XIST: variants seen among roughly 807,000 people sequenced by gnomAD.
The protein encoded by XIST is X inactive specific transcript (non-protein coding).
chrX:73,851,347 T>C (rs373915374), exon 1 of XIST: 2 of 557,814 alleles, frequency 3.6e-6, no homozygotes, highest in African/African-American at 4.5e-5. Flanking sequence ...AGGCCCGCCA[T>C]GTTTTACACT....
chrX:73,820,709 T>C (rs899640192), exon 6 of XIST: 1 of 548,301 alleles, frequency 1.8e-6, no homozygotes, highest in Admixed American at 2.3e-5. Flanking sequence ...CCAGTTTGTT[T>C]CAATTGTGAC....
At chrX:73,841,602 G>C in exon 1 of XIST, 1 of 558,231 alleles carries the variant, frequency 1.8e-6, no homozygotes, top group Non-Finnish European at 3.2e-6. Flanking sequence ...CTAGTGGCTG[G>C]GATATTATTC....
At chrX:73,849,218 G>A (rs1185382137) in exon 1 of XIST, 4 of 557,417 alleles carry the variant, frequency 7.2e-6, no homozygotes, top group South Asian at 2.2e-5. Context: ...AGAACAGCAG[G>A]ATTCTCCAGA....
chrX:73,825,403 A>G, exon 6 of XIST: 1 of 557,028 alleles, frequency 1.8e-6, no homozygotes, highest in Non-Finnish European at 3.2e-6. Context: ...TTATCACAGT[A>G]GAATACAAGT....
intron 4 of XIST, chrX:73,830,995 G>A: frequency 3.9e-6 from 2 of 509,953 alleles, no homozygotes; most frequent in Non-Finnish European, 3.5e-6. Flanking sequence ...GAAACACTAA[G>A]TGCAATGTAT....
chrX:73,820,883 TAGA>T (rs1569511325), exon 6 of XIST: 1 of 559,302 alleles, frequency 1.8e-6, no homozygotes, highest in Non-Finnish European at 3.2e-6. Context: ...ATCTTTGAGG[TAGA>T]AGGACAATGA....
chrX:73,824,558 AAC>A lies in XIST; in HGVS notation n.15341_15342del, dbSNP rs1922206435. ...AGGTATTTAAACCCTTGGTTTGTAT[AAC>A]TACTTATAGAACCCTTCTCACTGTG... On this transcript the variant is annotated non_coding_transcript_exon_variant, in exon 6 of 6. Coordinates refer to ENST00000429829, the Ensembl canonical transcript of XIST. 5.4e-6 allele frequency: 3 copies of A among 552,235 alleles called. No individual in the cohort carries two copies. The African/African-American group carries it at 6.7e-5, about 12-fold the overall frequency. The allele number at this position is 552,235 out of a possible 1,213,427, so 45.5% of individuals were successfully genotyped here.
intron 1 of XIST, chrX:73,841,227 T>A (rs558046778): frequency 5.5e-6 from 2 of 366,683 alleles, no homozygotes; most frequent in South Asian, 1.6e-4. Context: ...CATGTATGTA[T>A]GTATCTATTT....
chrX:73,837,855 GA>G (rs1019521849), intron 1 of XIST, among the ~76,000 whole-genome samples: 3 of 111,514 alleles, frequency 2.7e-5, no homozygotes, highest in African/African-American at 9.7e-5. Flanking sequence ...ATTGTTTGCA[GA>G]TCTGATCTAA....
rs781430512 is a variant in XIST, at chrX:73,848,309, G to A, written n.4415C>T. 8 of 555,717 alleles carry A rather than the reference G, an allele frequency of 1.4e-5. No individual in the cohort carries two copies. The East Asian group carries it at 1.6e-4, about 11-fold the overall frequency. 45.8% of individuals were successfully genotyped at this position (555,717 alleles called of 1,213,427 possible). ...TTTTGCACATCAATAATTTCTGGAGGAGGGGCATTAGGTAACCAGCACCCT... is the reference window on the plus strand; with the variant it reads ...TTTTGCACATCAATAATTTCTGGAGAAGGGGCATTAGGTAACCAGCACCCT... On this transcript the variant is annotated non_coding_transcript_exon_variant, in exon 1 of 6. Transcript: ENST00000429829.
At chrX:73,842,052 C>T (rs762465526) in exon 1 of XIST, 4 of 548,779 alleles carry the variant, frequency 7.3e-6, no homozygotes, top group South Asian at 4.6e-5. Context: ...AGACCCACCA[C>T]CCTCAGTTAA....
exon 1 of XIST, chrX:73,841,548 C>G: frequency 1.8e-6 from 1 of 558,502 alleles, no homozygotes; most frequent in Non-Finnish European, 3.2e-6. Flanking sequence ...TTTGCTTGAG[C>G]AGTTCCATAT....
exon 1 of XIST, chrX:73,848,939 CATGA>C (rs1181941701): frequency 3.6e-6 from 2 of 554,682 alleles, no homozygotes; most frequent in Non-Finnish European, 6.5e-6. Context: ...TACGCAGAAC[CATGA>C]ATAATTACTA....
chrX:73,847,886 G>A (rs1922815202), exon 1 of XIST: 1 of 558,939 alleles, frequency 1.8e-6, no homozygotes, highest in Non-Finnish European at 3.2e-6. Flanking sequence ...AGGTAACATA[G>A]GTAATTAATA....
intron 3 of XIST, chrX:73,831,420 G>A: frequency 3.1e-6 from 1 of 327,026 alleles, no homozygotes; most frequent in South Asian, 9.7e-5. Flanking sequence ...GTGCGGAGCT[G>A]TTATATTCTG....
exon 1 of XIST, chrX:73,849,776 A>T: frequency 1.9e-6 from 1 of 539,380 alleles, no homozygotes; most frequent in Non-Finnish European, 3.3e-6. Flanking sequence ...GCACTGAATC[A>T]ATGAAAATTA....
rs373625297 is a variant in XIST at position 73,844,335 on chromosome X, A to T, written n.8389T>A. On this transcript the variant is annotated non_coding_transcript_exon_variant, in exon 1 of 6. Coordinates refer to ENST00000429829, the Ensembl canonical transcript of XIST. Reference sequence around the variant, plus strand: ...CCATGTACTTTGGACAAATATAAGAATCTTAAAAAGTAGTGGGTACTCCTT... The same window carrying T: ...CCATGTACTTTGGACAAATATAAGATTCTTAAAAAGTAGTGGGTACTCCTT... 4.3e-5 allele frequency: 24 copies of T among 556,695 alleles called. No individual in the cohort carries two copies. In the African/African-American group the frequency reaches 5.2e-4, roughly 12 times the overall value. The allele number at this position is 556,695 out of a possible 1,213,427, so 45.9% of individuals were successfully genotyped here. A position where few individuals can be genotyped will look rare whatever the true frequency, so the allele number is the denominator to read the frequency against.
At chrX:73,823,111 C>T (rs1360676191) in exon 6 of XIST, 2 of 554,168 alleles carry the variant, frequency 3.6e-6, no homozygotes, top group East Asian at 3.3e-5. Flanking sequence ...GAGCAAATAC[C>T]TTTAAAACTA....
At chrX:73,837,831 C>G (rs1922513006) in intron 1 of XIST, among the ~76,000 whole-genome samples, 1 of 111,569 alleles carries the variant, frequency 9.0e-6, no homozygotes, top group African/African-American at 3.3e-5. Context: ...GATTTTTCTA[C>G]AGTACGTACC....
Sources: gnomAD v4.1 joint callset for allele counts (sites outside exome capture counted in the v4.1 genomes callset) on GRCh38, gnomAD v4.1.1 for gene constraint, MANE v1.5 for transcripts, NCBI Gene and HGNC (gene_info 2026-07-23, HGNC 2026-07-21) for gene names.